ZFAND3: variants seen among roughly 807,000 people sequenced by gnomAD.
ZFAND3 encodes the protein AN1-type zinc finger protein 3.
In ZFAND3, 10 loss-of-function variants were observed where a neutral mutation model predicts 29.6. That is an observed-to-expected ratio of 0.34 (90% CI 0.21 to 0.57). The LOEUF is 0.57. ZFAND3 is among the 20% of genes least tolerant of loss of function. The pLI, the probability that ZFAND3 is intolerant of heterozygous loss-of-function variation, is 0.86. For missense variants in ZFAND3, 230 were observed against 304.5 expected, an observed-to-expected ratio of 0.76 and a Z score of 1.82; for synonymous variants, 128 against 112.6, an observed-to-expected ratio of 1.14 and a Z score of -0.87.
intron 1 of ZFAND3, among the ~76,000 whole-genome samples, chr6:37,850,548 A>G (rs1764261798): frequency 6.6e-6 from 1 of 152,122 alleles, no homozygotes; most frequent in South Asian, 2.1e-4. Flanking sequence ...CTATGTTTAG[A>G]TACACAAATA....
intron 2 of ZFAND3, among the ~76,000 whole-genome samples, chr6:38,051,211 G>C (rs1204653780): frequency 6.6e-6 from 1 of 152,120 alleles, no homozygotes; most frequent in African/African-American, 2.4e-5. Flanking sequence ...TCAAAAGAGA[G>C]GTGCAGTGGG....
At chr6:37,842,601 T>G (rs1764099173) in intron 1 of ZFAND3, among the ~76,000 whole-genome samples, 1 of 152,144 alleles carries the variant, frequency 6.6e-6, no homozygotes, top group South Asian at 2.1e-4. Flanking sequence ...TAAATAATAA[T>G]AATAGTACTA....
chr6:38,002,706 A>G (rs1378966343), intron 2 of ZFAND3: 1 of 152,138 alleles, frequency 6.6e-6, no homozygotes, highest in Non-Finnish European at 1.5e-5. Context: ...ACACCCTATG[A>G]TAGTCCACAA....
chr6:38,152,282 A>C lies in ZFAND3; in HGVS notation c.577A>C (p.Thr193Pro), dbSNP rs753448448. Residue 193 changes from threonine to proline, a missense_variant, in exon 6 of 6, where the codon ACA becomes CCA. Physicochemically the swap from Thr to Pro is conservative, Grantham distance 38. Coordinates refer to ENST00000287218, the MANE Select transcript of ZFAND3 (RefSeq NM_021943.3). ...LHRLPEQHDCTFDHMGRGREE... is the reference protein window; with the variant it reads ...LHRLPEQHDCPFDHMGRGREE... ...TCGCCTCCCCGAGCAGCACGACTGC[A>C]CATTCGACCACATGGGCCGTGGCCG... 3.1e-6 allele frequency: 5 copies of C among 1,604,408 alleles called. No homozygotes were observed. In the African/African-American group the frequency reaches 6.7e-5, roughly 22 times the overall value.
In ZFAND3 at chr6:38,153,902, C is replaced by A. The variant is rs1055061343; in HGVS notation, c.*1513C>A. The A allele has an allele frequency of 6.2e-5, 61 of 985,386 alleles. No individual in the cohort carries two copies. In the African/African-American group the frequency reaches 9.1e-4, roughly 15 times the overall value. 61.0% of individuals were successfully genotyped at this position (985,386 alleles called of 1,614,324 possible). A position where few individuals can be genotyped will look rare whatever the true frequency, so the allele number is the denominator to read the frequency against. ...TGGAATAGTTTAACCCAGCAACTTT[C>A]CTTTTTATAAAACAACAAATGGTTC... is the stretch of plus-strand genomic sequence containing the variant. On this transcript the variant is annotated 3_prime_UTR_variant, in exon 6 of 6. Transcript: ENST00000287218.
chr6:38,040,318 T>C (rs898816180), intron 2 of ZFAND3, among the ~76,000 whole-genome samples: 1 of 152,192 alleles, frequency 6.6e-6, no homozygotes, highest in Non-Finnish European at 1.5e-5. Flanking sequence ...ATCTTAACAA[T>C]GCTTAACTAT....
At chr6:37,973,118 T>A (rs1762418647) in intron 2 of ZFAND3, among the ~76,000 whole-genome samples, 1 of 152,174 alleles carries the variant, frequency 6.6e-6, no homozygotes, top group African/African-American at 2.4e-5. Flanking sequence ...GTTGCTGATT[T>A]GGTAAAACTG....
intron 5 of ZFAND3, among the ~76,000 whole-genome samples, chr6:38,147,056 A>T (rs1019015637): frequency 6.6e-6 from 1 of 152,204 alleles, no homozygotes; most frequent in African/African-American, 2.4e-5. Context: ...TGCTAAGTAT[A>T]GTCATCCTAC....
Position 38,152,925 on chromosome 6 carries a change from T to G in ZFAND3, c.*536T>G. On this transcript the variant is annotated 3_prime_UTR_variant, in exon 6 of 6. Coordinates refer to ENST00000287218, the MANE Select transcript of ZFAND3 (RefSeq NM_021943.3). Reference sequence around the variant, plus strand: ...TTGGCCACGTGGCTGGGCTGGGTGGTGGCCTCACTCTCCCACAGAGCTGGA... The same window carrying G: ...TTGGCCACGTGGCTGGGCTGGGTGGGGGCCTCACTCTCCCACAGAGCTGGA... 1 of 985,842 alleles carries G rather than the reference T, an allele frequency of 1.0e-6. No individual in the cohort carries two copies. The highest frequency in any genetic ancestry group is 1.2e-6 in the Non-Finnish European group (1 of 829,956). The allele number at this position is 985,842 out of a possible 1,614,324, so 61.1% of individuals were successfully genotyped here. A position where few individuals can be genotyped will look rare whatever the true frequency, so the allele number is the denominator to read the frequency against.
At chr6:37,976,911 G>C (rs1762488907) in intron 2 of ZFAND3, among the ~76,000 whole-genome samples, 1 of 152,058 alleles carries the variant, frequency 6.6e-6, no homozygotes, top group African/African-American at 2.4e-5. Context: ...ATGATATTTG[G>C]GTGGGGACAC....
chr6:37,877,272 C>T (rs1764811115), intron 1 of ZFAND3, among the ~76,000 whole-genome samples: 1 of 152,164 alleles, frequency 6.6e-6, no homozygotes, highest in Non-Finnish European at 1.5e-5. Context: ...GCAGCATTGT[C>T]ATTTCTTATC....
intron 2 of ZFAND3, among the ~76,000 whole-genome samples, chr6:38,036,493 AC>A (rs1763660491): frequency 6.6e-6 from 1 of 152,204 alleles, no homozygotes; most frequent in South Asian, 2.1e-4. Flanking sequence ...AGAAAGTGTG[AC>A]CACCTACTGG....
intron 2 of ZFAND3, among the ~76,000 whole-genome samples, chr6:38,000,678 T>C (rs1299886488): frequency 6.6e-6 from 1 of 152,186 alleles, no homozygotes; most frequent in Non-Finnish European, 1.5e-5. Flanking sequence ...GGAATTATTC[T>C]CTAGTAAAAC....
At position 38,112,718 on chromosome 6, in the gene ZFAND3, T is replaced by C. The variant is rs899324889; in HGVS notation, c.362-3854T>C. ...AATTGACATAAAACTTACAAATGAA[T>C]AGTTGAATTATTTAATTCATTATCA... On this transcript the variant is annotated intron_variant, in intron 4 of 5. Coordinates refer to ENST00000287218, the MANE Select transcript of ZFAND3 (RefSeq NM_021943.3). Among the ~76,000 whole-genome samples, 5 of 152,304 alleles carry C rather than the reference T, an allele frequency of 3.3e-5. 1 individual carries two copies. The South Asian group carries it at 1.0e-3, about 32-fold the overall frequency.
intron 2 of ZFAND3, among the ~76,000 whole-genome samples, chr6:38,058,506 T>C (rs1478356399): frequency 6.6e-6 from 1 of 152,200 alleles, no homozygotes; most frequent in Non-Finnish European, 1.5e-5. Flanking sequence ...AACAAGAAAG[T>C]GGCTAGGAGA....
chr6:38,081,124 A>T (rs1401322392), intron 3 of ZFAND3, among the ~76,000 whole-genome samples: 3 of 150,706 alleles, frequency 2.0e-5, no homozygotes, highest in Non-Finnish European at 4.4e-5. Context: ...TATTGCTGTC[A>T]TGTATTGTTC....
intron 2 of ZFAND3, among the ~76,000 whole-genome samples, chr6:37,979,967 C>T (rs1180331667): frequency 6.6e-6 from 1 of 152,150 alleles, no homozygotes; most frequent in African/African-American, 2.4e-5. Context: ...TAATTTTAAT[C>T]AGATCATTAA....
intron 2 of ZFAND3, among the ~76,000 whole-genome samples, chr6:37,953,284 A>G (rs1183289663): frequency 6.6e-6 from 1 of 151,220 alleles, no homozygotes; most frequent in Non-Finnish European, 1.5e-5. Flanking sequence ...ATTAATGATT[A>G]GGCTAGGGTG....
At chr6:37,875,120 G>A (rs556846313) in intron 1 of ZFAND3, among the ~76,000 whole-genome samples, 1 of 152,258 alleles carries the variant, frequency 6.6e-6, no homozygotes, top group African/African-American at 2.4e-5. Flanking sequence ...TTATACTGAT[G>A]TACCTGAGTA....
Sources: allele counts gnomAD v4.1 joint callset (sites outside exome capture counted in the v4.1 genomes callset), GRCh38; gene constraint gnomAD v4.1.1; transcripts MANE v1.5; gene names NCBI Gene and HGNC (gene_info 2026-07-23, HGNC 2026-07-21).